Variants in ILDR2 observed in about 807,000 individuals in gnomAD.
ILDR2 encodes the protein immunoglobulin-like domain-containing receptor 2.
Under a neutral mutation model 66.8 loss-of-function variants are expected in ILDR2, and 25 were observed. That is an observed-to-expected ratio of 0.37 (90% confidence interval 0.27 to 0.52). The LOEUF (loss-of-function observed/expected upper bound fraction) is 0.52, where lower values mean the gene tolerates loss of function less well. ILDR2 is among the 20% of genes least tolerant of loss of function. ILDR2 has a pLI of 0.88. For synonymous variants in ILDR2, 367 were observed against 357.2 expected (o/e 1.03, Z -0.31); for missense variants, 827 against 876.8 (o/e 0.94, Z 0.72).
intron 2 of ILDR2, among the ~76,000 whole-genome samples, chr1:166,897,624 C>T (rs74119508): frequency 3.3e-5 from 5 of 152,284 alleles, no homozygotes; most frequent in African/African-American, 9.6e-5. Flanking sequence ...ATAGTTCAAT[C>T]AATCATGCCT....
chr1:166,932,055 G>C (rs754851827), intron 6 of ILDR2, among the ~76,000 whole-genome samples: 1 of 152,214 alleles, frequency 6.6e-6, no homozygotes, highest in East Asian at 1.9e-4. Flanking sequence ...TTCCCAGGGA[G>C]AGGACCTCAA....
At chr1:166,972,716 A>T (rs1663380329) in intron 1 of ILDR2, among the ~76,000 whole-genome samples, 1 of 152,004 alleles carries the variant, frequency 6.6e-6, no homozygotes, top group African/African-American at 2.4e-5. Context: ...GAGAAGGGAG[A>T]GGAGGAGAAA....
chr1:166,961,456 T>G (rs919788334), intron 1 of ILDR2, among the ~76,000 whole-genome samples: 5 of 152,186 alleles, frequency 3.3e-5, no homozygotes, highest in Admixed American at 6.5e-5. Flanking sequence ...AAAAAATACA[T>G]TCTCAGAAAC....
chr1:166,944,447 T>G (rs901734842), intron 3 of ILDR2, among the ~76,000 whole-genome samples: 7 of 152,160 alleles, frequency 4.6e-5, no homozygotes, highest in African/African-American at 1.7e-4. Flanking sequence ...CAAGAACTAT[T>G]AAATCTTCCC....
chr1:166,934,811 T>G (rs1374541821), intron 6 of ILDR2, among the ~76,000 whole-genome samples: 5 of 152,214 alleles, frequency 3.3e-5, no homozygotes, highest in Non-Finnish European at 4.4e-5. Flanking sequence ...AAATTTCACC[T>G]CCTCCCTGAA....
In ILDR2 at chr1:166,917,059, T is replaced by G. The variant is rs1176737019; in HGVS notation, c.*2296A>C. 6.6e-6 allele frequency: 1 copy of G among 152,230 alleles called. No homozygotes were observed. Among genetic ancestry groups the G allele is most frequent in the Non-Finnish European group, 1.5e-5 (1 of 68,064 alleles). 9.4% of individuals were successfully genotyped at this position (152,230 alleles called of 1,614,324 possible). A position where few individuals can be genotyped will look rare whatever the true frequency, so the allele number is the denominator to read the frequency against. ...AAAGCTGGTGACTAAGAAATGTTTT[T>G]TATCATCTTTTCCATCTGAACTGGG... is the stretch of plus-strand genomic sequence containing the variant. On this transcript the variant is annotated 3_prime_UTR_variant, in exon 10 of 10. Coordinates refer to ENST00000271417, the MANE Select transcript of ILDR2 (RefSeq NM_199351.3).
intron 1 of ILDR2, 37 bp downstream of exon 1, chr1:166,975,186 T>A (rs757911756): frequency 1.3e-6 from 2 of 1,546,010 alleles, no homozygotes; most frequent in Non-Finnish European, 1.8e-6. Flanking sequence ...TACAGGAATA[T>A]ACAAAGTTAT....
chr1:166,958,603 G>T (rs1336384901), intron 1 of ILDR2, among the ~76,000 whole-genome samples: 1 of 152,114 alleles, frequency 6.6e-6, no homozygotes. Context: ...AAATTACCCA[G>T]TCTCAGACAG....
chr1:166,919,278 C>T lies in ILDR2; in HGVS notation c.*77G>A. ...GTGATGGCCAGAGAAGGTCCTGGGC[C>T]TGCTGGTTCTTAGATTTGTGTCTTG... On this transcript the variant is annotated 3_prime_UTR_variant, in exon 10 of 10. Transcript: ENST00000271417. 1 of 1,378,338 alleles carries T rather than the reference C, an allele frequency of 7.3e-7. No individual in the cohort carries two copies. Among genetic ancestry groups the T allele is most frequent in the Non-Finnish European group, 1.0e-6 (1 of 978,296 alleles). 85.4% of individuals were successfully genotyped at this position (1,378,338 alleles called of 1,614,324 possible). A position where few individuals can be genotyped will look rare whatever the true frequency, so the allele number is the denominator to read the frequency against.
chr1:166,908,258 A>C lies in ILDR2; in HGVS notation c.*11097T>G, dbSNP rs1659386686. On this transcript the variant is annotated 3_prime_UTR_variant, in exon 10 of 10. Transcript: ENST00000271417. ...AAGTCCAAGCTCAGTGCACCAATAC[A>C]TTCAGTTCCTGGCGAAGGTCCTTTT... The C allele has an allele frequency of 6.6e-6, 1 of 152,208 alleles. No homozygotes were observed. The highest frequency in any genetic ancestry group is 2.4e-5 in the African/African-American group (1 of 41,434). 9.4% of individuals were successfully genotyped at this position (152,208 alleles called of 1,614,324 possible). A position where few individuals can be genotyped will look rare whatever the true frequency, so the allele number is the denominator to read the frequency against.
chr1:166,968,912 G>A (rs1162151057), intron 1 of ILDR2, among the ~76,000 whole-genome samples: 2 of 152,134 alleles, frequency 1.3e-5, no homozygotes, highest in Non-Finnish European at 2.9e-5. Flanking sequence ...TATAATATGA[G>A]CAAGAACTAA....
intron 1 of ILDR2, among the ~76,000 whole-genome samples, chr1:166,973,030 T>C (rs1663398206): frequency 6.6e-6 from 1 of 152,152 alleles, no homozygotes; most frequent in African/African-American, 2.4e-5. Flanking sequence ...GAGAGGCAGC[T>C]TGTCTGTCCA....
rs745328597 is a variant in ILDR2, at chr1:166,927,080, C to T, written c.981G>A (p.Arg327=). The change falls in exon 7 of 10, where the codon AGG becomes AGA. Residue 327 remains arginine, a synonymous_variant. Coordinates refer to ENST00000271417, the MANE Select transcript of ILDR2 (RefSeq NM_199351.3). ...KELAQFDPAR[R]MRGRYNNTIS... ...ACAGATGCTCACATCTGCCTCTCAT[C>T]CTTCTGGCTGGATCAAACTGAGCCA... 7 of 1,608,516 alleles carry T rather than the reference C, an allele frequency of 4.4e-6. No individual in the cohort carries two copies. The Admixed American group carries it at 1.2e-4, about 27-fold the overall frequency.
At chr1:166,965,565 G>GTTT (rs1319279599) in intron 1 of ILDR2, among the ~76,000 whole-genome samples, 3 of 103,128 alleles carry the variant, frequency 2.9e-5, no homozygotes, top group East Asian at 3.2e-4. Context: ...TTCAAGTTAG[G>GTTT]TTTTGTTTTT....
chr1:166,921,322 C>G lies in ILDR2; in HGVS notation c.1269G>C (p.Pro423=). The G allele has an allele frequency of 6.3e-7, 1 of 1,588,400 alleles. No homozygotes were observed. The highest frequency in any genetic ancestry group is 8.6e-7 in the Non-Finnish European group (1 of 1,164,680). Reference sequence around the variant, plus strand: ...CCGCCAGCTCGTCCATGGAAACGGCCGGCACCCCCGTGGCGAAGTTCTTCC... The same window carrying G: ...CCGCCAGCTCGTCCATGGAAACGGCGGGCACCCCCGTGGCGAAGTTCTTCC... The part of the protein sequence containing the change: ...LSRKNFATGV[P]AVSMDELAAF... The change falls in exon 9 of 10, where the codon CCG becomes CCC. Residue 423 remains proline, a synonymous_variant. Coordinates refer to ENST00000271417, the MANE Select transcript of ILDR2 (RefSeq NM_199351.3). This position sits in a 1 kb window ranked among gnomAD's most constrained non-coding sequence, Gnocchi z 5.3.
chr1:166,959,324 G>A (rs532448632), intron 1 of ILDR2, among the ~76,000 whole-genome samples: 26 of 152,230 alleles, frequency 1.7e-4, no homozygotes, highest in South Asian at 6.2e-4. Context: ...TGTCAGACTC[G>A]TCAGGTGTGG....
intron 2 of ILDR2, among the ~76,000 whole-genome samples, chr1:166,900,437 A>G (rs1184355967): frequency 1.3e-5 from 2 of 152,226 alleles, no homozygotes; most frequent in African/African-American, 4.8e-5. Flanking sequence ...CATTGCACAC[A>G]CTTTGAGATT....
intron 3 of ILDR2, among the ~76,000 whole-genome samples, chr1:166,946,733 T>C (rs963153068): frequency 5.3e-5 from 8 of 152,184 alleles, no homozygotes; most frequent in African/African-American, 1.7e-4. Flanking sequence ...CCAGTTTTTT[T>C]CCCAATATCT....
At chr1:166,971,238 T>G (rs1348662103) in intron 1 of ILDR2, among the ~76,000 whole-genome samples, 2 of 152,182 alleles carry the variant, frequency 1.3e-5, no homozygotes, top group Non-Finnish European at 2.9e-5. Flanking sequence ...CTTATTCATC[T>G]TTTCAACCCC....
Sources: allele counts gnomAD v4.1 joint callset (sites outside exome capture counted in the v4.1 genomes callset), GRCh38; gene constraint gnomAD v4.1.1; non-coding constraint Gnocchi (gnomAD v3.1); transcripts MANE v1.5; gene names NCBI Gene and HGNC (gene_info 2026-07-23, HGNC 2026-07-21).